Variants in PDE3A observed in about 807,000 individuals in gnomAD.
PDE3A encodes phosphodiesterase 3A.
A neutral mutation model predicts 98.3 loss-of-function variants in PDE3A; 43 were observed. That is an observed-to-expected ratio of 0.44 (90% CI 0.34 to 0.56). The LOEUF is 0.56. Among genes scored for constraint, PDE3A ranks in the 20% least tolerant of loss-of-function variants. The pLI is 0.01. For missense variants in PDE3A, 1,427 were observed against 1,440.7 expected, an observed-to-expected ratio of 0.99 and a Z score of 0.15; for synonymous variants, 663 against 567.9, an observed-to-expected ratio of 1.17 and a Z score of -2.38.
chr12:20,457,784 T>A (rs1945177345), intron 1 of PDE3A, among the ~76,000 whole-genome samples: 1 of 146,332 alleles, frequency 6.8e-6, no homozygotes, highest in African/African-American at 2.5e-5. Context: ...TTTATTGCAA[T>A]GCTGTAAAAA....
intron 1 of PDE3A, among the ~76,000 whole-genome samples, chr12:20,429,415 C>G (rs1232161121): frequency 6.6e-6 from 1 of 152,124 alleles, no homozygotes; most frequent in Admixed American, 6.6e-5. Flanking sequence ...GGCTACAGCC[C>G]TTTTTCAAAT....
At position 20,688,441 on chromosome 12, in the gene PDE3A, T is replaced by G. The variant is rs1946040804; in HGVS notation, c.*8170T>G. On this transcript the variant is annotated 3_prime_UTR_variant, in exon 16 of 16. Coordinates refer to ENST00000359062, the MANE Select transcript of PDE3A (RefSeq NM_000921.5). ...GATGCTCCCTTTTTGCCAGAATTAC[T>G]GGAAGTGCCTCTTGGTTTTATATAT... Among the ~76,000 whole-genome samples, 1 of 151,554 alleles carries G rather than the reference T, an allele frequency of 6.6e-6. No individual in the cohort carries two copies. The highest frequency in any genetic ancestry group is 2.4e-5 in the African/African-American group (1 of 41,340).
chr12:20,628,224 C>T (rs1017071032), intron 5 of PDE3A, among the ~76,000 whole-genome samples: 2 of 151,960 alleles, frequency 1.3e-5, no homozygotes, highest in African/African-American at 4.8e-5. Flanking sequence ...ACTTATAACC[C>T]ACTTGCTGTG....
At chr12:20,461,911 T>C (rs1945258280) in intron 1 of PDE3A, among the ~76,000 whole-genome samples, 1 of 152,058 alleles carries the variant, frequency 6.6e-6, no homozygotes, top group Non-Finnish European at 1.5e-5. Context: ...TATTAGAAGG[T>C]TTTAAAAATA....
At chr12:20,509,627 T>C (rs548318928) in intron 1 of PDE3A, among the ~76,000 whole-genome samples, 176 of 152,248 alleles carry the variant, frequency 1.2e-3, no homozygotes, top group African/African-American at 4.1e-3. Flanking sequence ...CTCTGCCTAC[T>C]TTTTTGTTTT....
chr12:20,534,114 G>C (rs915543488), intron 1 of PDE3A, among the ~76,000 whole-genome samples: 1 of 152,040 alleles, frequency 6.6e-6, no homozygotes, highest in Non-Finnish European at 1.5e-5. Flanking sequence ...ACGTTATGCA[G>C]CCTTTCCTCG....
chr12:20,593,197 T>C (rs1320065375), intron 2 of PDE3A, among the ~76,000 whole-genome samples: 1 of 152,004 alleles, frequency 6.6e-6, no homozygotes, highest in Non-Finnish European at 1.5e-5. Flanking sequence ...AGAAATGAAG[T>C]GGTAGGCAGA....
intron 1 of PDE3A, among the ~76,000 whole-genome samples, chr12:20,404,925 A>G (rs1177679841): frequency 6.9e-6 from 1 of 144,954 alleles, no homozygotes; most frequent in African/African-American, 2.5e-5. Flanking sequence ...AAGGAGTGAT[A>G]ATGGTTCCCT....
intron 1 of PDE3A, among the ~76,000 whole-genome samples, chr12:20,474,335 C>T (rs1185378628): frequency 1.1e-4 from 16 of 151,986 alleles, no homozygotes; most frequent in Admixed American, 9.8e-4. Flanking sequence ...TGTCTTTTGT[C>T]GTCTAGATAT....
Position 20,649,783 on chromosome 12 carries a change from A to T in PDE3A, c.2770-662A>T, listed in dbSNP as rs528115460. 2.6e-4 allele frequency among the ~76,000 whole-genome samples: 39 copies of T among 152,186 alleles called. 1 individual carries two copies. The highest frequency in any genetic ancestry group is 9.2e-4 in the African/African-American group (38 of 41,520). On this transcript the variant is annotated intron_variant, in intron 13 of 15. Transcript: ENST00000359062. The stretch of plus-strand genomic sequence containing the variant: ...CCTACTAAAAATACAAAAATTGGCC[A>T]GGTGTGGTGGCGCACCCCTGTAGTC...
chr12:20,634,750 T>C (rs960850118), intron 7 of PDE3A, 152 bp from the exon 8 acceptor site: 1 of 624,408 alleles, frequency 1.6e-6, no homozygotes, highest in African/African-American at 1.8e-5. Flanking sequence ...TGTGATGTTC[T>C]CCACCCTATG....
chr12:20,663,758 A>G (rs1448387875), intron 15 of PDE3A, among the ~76,000 whole-genome samples: 1 of 152,204 alleles, frequency 6.6e-6, no homozygotes, highest in East Asian at 1.9e-4. Context: ...GCCTTGTCTC[A>G]GATGAGACCT....
At position 20,684,153 on chromosome 12, in the gene PDE3A, A is replaced by C. The variant is rs1945883926; in HGVS notation, c.*3882A>C. 6.6e-6 allele frequency: 1 copy of C among 152,184 alleles called. No homozygotes were observed. Among genetic ancestry groups the C allele is most frequent in the Non-Finnish European group, 1.5e-5 (1 of 68,014 alleles). 9.4% of individuals were successfully genotyped at this position (152,184 alleles called of 1,614,324 possible). A position where few individuals can be genotyped will look rare whatever the true frequency, so the allele number is the denominator to read the frequency against. On this transcript the variant is annotated 3_prime_UTR_variant, in exon 16 of 16. Transcript: ENST00000359062. The stretch of plus-strand genomic sequence containing the variant: ...GATTATCAAATCCTGATTAATGAGA[A>C]GTGAATAATCTAAAAATCATTTATA...
chr12:20,403,256 T>C (rs1944167293), intron 1 of PDE3A, among the ~76,000 whole-genome samples: 1 of 152,236 alleles, frequency 6.6e-6, no homozygotes, highest in Non-Finnish European at 1.5e-5. Flanking sequence ...GCTGAATGGC[T>C]CAACTTTTCA....
At chr12:20,411,144 A>C (rs915092843) in intron 1 of PDE3A, among the ~76,000 whole-genome samples, 1 of 152,226 alleles carries the variant, frequency 6.6e-6, no homozygotes, top group South Asian at 2.1e-4. Context: ...GGTATAATAC[A>C]CATAACAAAG....
At chr12:20,614,907 G>T (rs188408671) in intron 3 of PDE3A, among the ~76,000 whole-genome samples, 1 of 151,828 alleles carries the variant, frequency 6.6e-6, no homozygotes, top group Non-Finnish European at 1.5e-5. Flanking sequence ...GTGATTAGCC[G>T]CAGATAAAAG....
intron 1 of PDE3A, among the ~76,000 whole-genome samples, chr12:20,555,984 CAG>C (rs1427643540): frequency 1.3e-5 from 2 of 152,138 alleles, no homozygotes; most frequent in Non-Finnish European, 2.9e-5. Flanking sequence ...AGATTACTGA[CAG>C]ATGAATGGAG....
At position 20,377,424 on chromosome 12, in the gene PDE3A, T is replaced by A. The variant is rs141258424; in HGVS notation, c.960+7180T>A. Among the ~76,000 whole-genome samples, 1,048 of 151,938 alleles carry A rather than the reference T, an allele frequency of 6.9e-3. 6 individuals carry two copies. The highest frequency in any genetic ancestry group is 0.017 in the Admixed American group (252 of 15,240). On this transcript the variant is annotated intron_variant, in intron 1 of 15. Coordinates refer to ENST00000359062, the MANE Select transcript of PDE3A (RefSeq NM_000921.5). ...TTCTGTTTTTTTGTGAGTCTAAATA[T>A]CTTGTGTGTGTTTTACACTTAAAGC...
In PDE3A at chr12:20,546,604, C is replaced by G. The variant is rs138290700; in HGVS notation, c.961-10056C>G. Among the ~76,000 whole-genome samples, 60 of 152,010 alleles carry G rather than the reference C, an allele frequency of 3.9e-4. No individual in the cohort carries two copies. The East Asian group carries it at 0.011, about 29-fold the overall frequency. On this transcript the variant is annotated intron_variant, in intron 1 of 15. Transcript: ENST00000359062. ...AAGGAAAGAATCCAATCAAACATGC[C>G]CAGGTTAAAGAAGTGCTTTTAGTTT... is the stretch of plus-strand genomic sequence containing the variant.
Sources: allele counts gnomAD v4.1 joint callset (sites outside exome capture counted in the v4.1 genomes callset), GRCh38; gene constraint gnomAD v4.1.1; transcripts MANE v1.5; gene names NCBI Gene and HGNC (gene_info 2026-07-23, HGNC 2026-07-21).